PAH: variants seen among roughly 807,000 people sequenced by gnomAD.
PAH encodes phenylalanine-4-hydroxylase.
Under a neutral mutation model 62.0 loss-of-function variants are expected in PAH, and 64 were observed. The observed-to-expected ratio is 1.03, with a 90% CI of 0.84 to 1.27. The LOEUF is 1.27. Ranked by LOEUF, PAH falls within the 50% of genes most tolerant of loss-of-function variation. The pLI is 0.00. For missense variants in PAH, 579 were observed against 542.8 expected (o/e 1.07, Z -0.66); for synonymous variants, 195 against 196.2 (o/e 0.99, Z 0.05).
chr12:102,861,097 A>C (rs1393461866), intron 5 of PAH, among the ~76,000 whole-genome samples: 6 of 152,276 alleles, frequency 3.9e-5, no homozygotes, highest in East Asian at 1.9e-4. Context: ...TGACAAAGGG[A>C]TAATATCCAG....
chr12:102,913,971 G>T, intron 1 of PAH: 1 of 648,358 alleles, frequency 1.5e-6, no homozygotes, highest in Admixed American at 2.4e-5. Flanking sequence ...TTACTCTCTT[G>T]TAAGCAAGTT....
At chr12:102,842,708 C>T (rs1232533978) in intron 11 of PAH, among the ~76,000 whole-genome samples, 1 of 152,144 alleles carries the variant, frequency 6.6e-6, no homozygotes, top group Non-Finnish European at 1.5e-5. Context: ...TTTCCTCCCT[C>T]ATGTCTCTCT....
At chr12:102,882,961 TTAAA>T in intron 3 of PAH, among the ~76,000 whole-genome samples, 1 of 151,902 alleles carries the variant, frequency 6.6e-6, no homozygotes, top group South Asian at 2.1e-4. Context: ...ATGATGATGA[TTAAA>T]GGAGGAGGAG....
chr12:102,901,924 T>C (rs1430872292), intron 2 of PAH, among the ~76,000 whole-genome samples: 2 of 152,162 alleles, frequency 1.3e-5, no homozygotes, highest in African/African-American at 4.8e-5. Context: ...ATCTCTGCCC[T>C]TGTGGAGCTT....
chr12:102,854,663 G>T (rs938910026), intron 6 of PAH: 7 of 224,456 alleles, frequency 3.1e-5, no homozygotes, highest in African/African-American at 1.6e-4. Flanking sequence ...AACTGAGGCA[G>T]GTTTACTCAG....
At chr12:102,861,971 A>T (rs1188345463) in intron 5 of PAH, among the ~76,000 whole-genome samples, 174 of 151,752 alleles carry the variant, frequency 1.1e-3, no homozygotes, top group African/African-American at 4.0e-3. Flanking sequence ...AAGTATAAAA[A>T]AAAAAAAAAA....
At chr12:102,857,825 C>T (rs963202758) in intron 5 of PAH, among the ~76,000 whole-genome samples, 4 of 152,104 alleles carry the variant, frequency 2.6e-5, no homozygotes, top group Admixed American at 2.0e-4. Flanking sequence ...CTGAAGGAAG[C>T]ACTAAACATG....
At chr12:102,884,089 G>A (rs565406531) in intron 3 of PAH, among the ~76,000 whole-genome samples, 3 of 152,226 alleles carry the variant, frequency 2.0e-5, no homozygotes, top group Non-Finnish European at 4.4e-5. Context: ...CCAGGCAGCA[G>A]CCCAGCTCCA....
At chr12:102,895,867 A>ATATATATATAT (rs1490050011) in intron 2 of PAH, among the ~76,000 whole-genome samples, 4 of 126,284 alleles carry the variant, frequency 3.2e-5, no homozygotes, top group African/African-American at 1.5e-4. Flanking sequence ...AAAAAAAAAA[A>ATATATATATAT]AAATATATAT....
At chr12:102,928,111 C>T (rs1024796005) in intron 1 of PAH, among the ~76,000 whole-genome samples, 1 of 152,112 alleles carries the variant, frequency 6.6e-6, no homozygotes, top group Non-Finnish European at 1.5e-5. Context: ...TCACTTGATA[C>T]TTTCTACAGT....
upstream of PAH, chr12:102,958,393 CGCAGCAGCAGCAGCA>C (rs3832799): frequency 4.2e-3 from 6,333 of 1,507,022 alleles, 10 homozygotes; most frequent in Non-Finnish European, 4.9e-3. Context: ...GCGCAGAGCG[CGCAGCAGCAGCAGCA>C]GCAGCAGCAG....
rs62516095 is a variant in PAH, at chr12:102,843,777, G to C, written c.1068C>G (p.Tyr356Ter). The C allele has an allele frequency of 2.7e-5, 43 of 1,613,508 alleles. No individual in the cohort carries two copies. The highest frequency in any genetic ancestry group is 3.5e-5 in the Non-Finnish European group (41 of 1,179,788). The stretch of plus-strand genomic sequence containing the variant: ...GAAGCTTTGGCTTCTCTGATAAGCA[G>C]TACTGTAGGCCCCAAGTGAAAAGTT... ...GLLSSFGELQYCLSEKPKLLP... is the reference protein window; with the variant it reads ...GLLSSFGELQ Residue 356 changes from tyrosine to a stop codon, truncating the protein, a stop_gained and splice_region_variant, in exon 11 of 13, where the codon TAC becomes TAG. Transcript: ENST00000553106. LOFTEE classifies it high-confidence loss of function.
intron 1 of PAH, among the ~76,000 whole-genome samples, chr12:102,928,088 C>T (rs1027319842): frequency 3.3e-5 from 5 of 152,072 alleles, no homozygotes; most frequent in Non-Finnish European, 7.4e-5. Context: ...CCAGGCACAT[C>T]GGAAAGGTTA....
At chr12:102,901,600 A>AT (rs1325413902) in intron 2 of PAH, among the ~76,000 whole-genome samples, 2,533 of 149,438 alleles carry the variant, frequency 0.017, 83 homozygotes, top group African/African-American at 0.058. Flanking sequence ...CTTTTTTTTA[A>AT]TTTTTTTTTT....
chr12:102,913,878 G>T, intron 1 of PAH: 1 of 700,388 alleles, frequency 1.4e-6, no homozygotes, highest in Non-Finnish European at 2.6e-6. Context: ...AGCCTAAGTC[G>T]AAAAATAATA....
chr12:102,920,947 C>T (rs1159473081), upstream of PAH, among the ~76,000 whole-genome samples: 1 of 152,172 alleles, frequency 6.6e-6, no homozygotes, highest in Non-Finnish European at 1.5e-5. Context: ...TAAGTCATTG[C>T]TAATTTTTCA....
At chr12:102,955,199 G>T (rs1879876518), upstream of PAH, among the ~76,000 whole-genome samples, 1 of 152,208 alleles carries the variant, frequency 6.6e-6, no homozygotes. Context: ...TGTGTGTAGG[G>T]GGGAGGAGGA....
At chr12:102,938,729 C>T (rs1464717857) in intron 1 of PAH, among the ~76,000 whole-genome samples, 3 of 152,144 alleles carry the variant, frequency 2.0e-5, no homozygotes, top group African/African-American at 7.2e-5. Context: ...TTCCCTCAGG[C>T]TAGGGAGGTA....
chr12:102,937,616 C>T (rs1462784043), intron 1 of PAH, among the ~76,000 whole-genome samples: 1 of 152,040 alleles, frequency 6.6e-6, no homozygotes, highest in Non-Finnish European at 1.5e-5. Flanking sequence ...TATTATTGTA[C>T]TTTCAATGTA....
Sources: gnomAD v4.1 joint callset for allele counts (sites outside exome capture counted in the v4.1 genomes callset) on GRCh38, gnomAD v4.1.1 for gene constraint, MANE v1.5 for transcripts, NCBI Gene and HGNC (gene_info 2026-07-23, HGNC 2026-07-21) for gene names.